The following SNX18 variants were observed in gnomAD, a reference collection of about 807,000 sequenced individuals.
The protein encoded by SNX18 is sorting nexin 18.
SNX18 carries 35 observed loss-of-function variants against 48.7 expected under a neutral mutation model. That is an observed-to-expected ratio of 0.72 (90% CI 0.55 to 0.95). The LOEUF is 0.95. Ranked by LOEUF, SNX18 falls within the 40% of genes least tolerant of loss-of-function variation. The pLI, the probability that SNX18 is intolerant of heterozygous loss-of-function variation, is 0.00. For missense variants in SNX18, 824 were observed against 871.0 expected, an observed-to-expected ratio of 0.95 and a Z score of 0.68; for synonymous variants, 492 against 384.7, an observed-to-expected ratio of 1.28 and a Z score of -3.26.
chr5:54,520,116 C>T (rs1322847328), intron 1 of SNX18: 2 of 363,624 alleles, frequency 5.5e-6, no homozygotes, highest in Non-Finnish European at 1.0e-5. Context: ...TGCCTGCAAC[C>T]TTTACGAAGT....
At chr5:54,596,485 T>C in the SNX18 span, among the ~76,000 whole-genome samples, 5 of 152,214 alleles carry the variant, frequency 3.3e-5, no homozygotes, top group African/African-American at 1.2e-4. Context: ...ATGCCCACTT[T>C]GGGACAAGAA....
chr5:54,607,305 T>C, the SNX18 span, among the ~76,000 whole-genome samples: 1 of 152,140 alleles, frequency 6.6e-6, no homozygotes, highest in Non-Finnish European at 1.5e-5. Flanking sequence ...CCCCAACGCC[T>C]AAGAAAACTT....
chr5:54,519,455 C>T lies in SNX18; in HGVS notation c.1503C>T (p.Asp501=), dbSNP rs899901213. The T allele has an allele frequency of 9.9e-6, 16 of 1,614,048 alleles. No homozygotes were observed. In the African/African-American group the frequency reaches 1.3e-4, roughly 13 times the overall value. ...TCGCCTTCACCGGAGATGCCTATGACGCCATTGGCGAGCTCTTCGCGGAGC... is the reference window on the plus strand; with the variant it reads ...TCGCCTTCACCGGAGATGCCTATGATGCCATTGGCGAGCTCTTCGCGGAGC... ...QAIAFTGDAY[D]AIGELFAEQP... Residue 501 remains aspartate, a synonymous_variant, in exon 1 of 2, where the codon GAC becomes GAT. Transcript: ENST00000381410.
At chr5:54,617,444 C>T in the SNX18 span, among the ~76,000 whole-genome samples, 1 of 152,194 alleles carries the variant, frequency 6.6e-6, no homozygotes, top group Non-Finnish European at 1.5e-5. Context: ...GTACTTCCCC[C>T]TCCCAAGTAA....
chr5:54,574,659 C>T, the SNX18 span, among the ~76,000 whole-genome samples: 1 of 152,050 alleles, frequency 6.6e-6, no homozygotes, highest in East Asian at 1.9e-4. Flanking sequence ...ACTCAGGTGG[C>T]ACGTATGGTA....
In SNX18 at chr5:54,543,186, T is replaced by C; in HGVS notation, c.1629T>C (p.Leu543=). Residue 543 remains leucine (L), a synonymous_variant, in exon 2 of 2, where the codon CTT becomes CTC. Coordinates refer to ENST00000381410, the MANE Select transcript of SNX18 (RefSeq NM_001102575.2). ...TGTTATTTTTAACTACAGGAGCTCTTACCAAAGTCAAGGAGAGTAGGCGAC... is the reference window on the plus strand; with the variant it reads ...TGTTATTTTTAACTACAGGAGCTCTCACCAAAGTCAAGGAGAGTAGGCGAC... ...PDIIHVQKGA[L]TKVKESRRHV... 1 of 1,613,294 alleles carries C rather than the reference T, an allele frequency of 6.2e-7. No individual in the cohort carries two copies. The highest frequency in any genetic ancestry group is 8.5e-7 in the Non-Finnish European group (1 of 1,179,634).
intron 1 of SNX18, among the ~76,000 whole-genome samples, chr5:54,534,708 A>G (rs1341617443): frequency 6.8e-6 from 1 of 147,754 alleles, no homozygotes; most frequent in Non-Finnish European, 1.5e-5. Flanking sequence ...TCTCACTTTG[A>G]TGGGTCAGAA....
rs201253342 is a variant in SNX18 at position 54,518,598 on chromosome 5, C to A, written c.646C>A (p.Pro216Thr). Residue 216 changes from proline (P) to threonine (T), a missense_variant, in exon 1 of 2, where the codon CCG becomes ACG. By Grantham distance (38) the Pro-to-Thr change is conservative. Transcript: ENST00000381410. ...RGGSVPPQHHPSGPKSSATVS... is the reference protein window; with the variant it reads ...RGGSVPPQHHTSGPKSSATVS... ...CGGCTCGGTCCCCCCGCAGCACCAC[C>A]CGTCGGGGCCCAAGAGCTCGGCCAC... 3.0e-4 allele frequency: 468 copies of A among 1,576,654 alleles called. No homozygotes were observed. In the African/African-American group the frequency reaches 5.7e-3, roughly 19 times the overall value.
rs13165497 is a variant in SNX18 at position 54,539,532 on chromosome 5, G to T, written c.1622-3647G>T. ...CTGAGCATTTTCCGTTGTCACATTG[G>T]TCACGTTATCTTGGAGAAAGCCATA... On this transcript the variant is annotated intron_variant, in intron 1 of 1. Transcript: ENST00000381410. Among the ~76,000 whole-genome samples, 648 of 152,216 alleles carry T rather than the reference G, an allele frequency of 4.3e-3. 4 individuals carry two copies. The highest frequency in any genetic ancestry group is 0.041 in the Middle Eastern group (12 of 294).
the SNX18 span, among the ~76,000 whole-genome samples, chr5:54,637,861 T>A: frequency 6.6e-6 from 1 of 152,188 alleles, no homozygotes; most frequent in African/African-American, 2.4e-5. Flanking sequence ...AGAGCAAACC[T>A]AAGTCAGAGT....
chr5:54,626,515 G>T, the SNX18 span, among the ~76,000 whole-genome samples: 6 of 152,192 alleles, frequency 3.9e-5, no homozygotes, highest in Non-Finnish European at 7.3e-5. Context: ...AGGTAGAGCA[G>T]CTCTCTGCTT....
downstream of SNX18, among the ~76,000 whole-genome samples, chr5:54,547,030 CTT>C (rs1172551682): frequency 3.3e-5 from 5 of 152,226 alleles, no homozygotes; most frequent in African/African-American, 1.2e-4. Context: ...AGCTTGCCCT[CTT>C]TGTGGGGCTT....
At chr5:54,585,177 C>A in the SNX18 span, among the ~76,000 whole-genome samples, 4 of 151,842 alleles carry the variant, frequency 2.6e-5, no homozygotes, top group African/African-American at 2.4e-5. Flanking sequence ...CTGTAGTCCC[C>A]ACTACTCAGG....
chr5:54,555,560 TGTG>T, the SNX18 span, among the ~76,000 whole-genome samples: 13 of 151,924 alleles, frequency 8.6e-5, no homozygotes, highest in African/African-American at 2.7e-4. Context: ...TGAGGCCAGG[TGTG>T]GTGGTTCATG....
chr5:54,601,526 C>T, the SNX18 span, among the ~76,000 whole-genome samples: 5 of 152,270 alleles, frequency 3.3e-5, no homozygotes, highest in East Asian at 9.7e-4. Flanking sequence ...CCAGAAACTA[C>T]GTGAGGCCTG....
At chr5:54,590,875 G>T in the SNX18 span, among the ~76,000 whole-genome samples, 1 of 152,008 alleles carries the variant, frequency 6.6e-6, no homozygotes, top group Non-Finnish European at 1.5e-5. Context: ...GTTATCTCCT[G>T]CCTGACGCTC....
the SNX18 span, among the ~76,000 whole-genome samples, chr5:54,560,651 TAAAAG>T: frequency 2.0e-5 from 3 of 152,166 alleles, no homozygotes; most frequent in African/African-American, 4.8e-5. Context: ...AAGATAAAAA[TAAAAG>T]AAAAGAGTGG....
At chr5:54,628,701 A>G in the SNX18 span, among the ~76,000 whole-genome samples, 1 of 151,986 alleles carries the variant, frequency 6.6e-6, no homozygotes, top group African/African-American at 2.4e-5. Context: ...CCTCCACCCA[A>G]TCTTCCTATC....
the SNX18 span, among the ~76,000 whole-genome samples, chr5:54,637,904 C>T: frequency 1.3e-5 from 2 of 152,296 alleles, no homozygotes; most frequent in Middle Eastern, 3.4e-3. Flanking sequence ...TCTAGGCTTT[C>T]GCCTTCACGC....
Sources: gnomAD v4.1 joint callset for allele counts (sites outside exome capture counted in the v4.1 genomes callset) on GRCh38, gnomAD v4.1.1 for gene constraint, MANE v1.5 for transcripts, NCBI Gene and HGNC (gene_info 2026-07-23, HGNC 2026-07-21) for gene names.